Variants in DLG2 observed in about 807,000 individuals in gnomAD.
DLG2 encodes the protein discs large MAGUK scaffold protein 2, also known as disks large homolog 2.
Under a neutral mutation model 132.5 loss-of-function variants are expected in DLG2, and 45 were observed. That is an observed-to-expected ratio of 0.34 (90% CI 0.27 to 0.44). The LOEUF is 0.44. Among genes scored for constraint, DLG2 ranks in the 20% least tolerant of loss-of-function variants. The pLI, the probability that DLG2 is intolerant of heterozygous loss-of-function variation, is 1.00. For synonymous variants in DLG2, 424 were observed against 419.6 expected (o/e 1.01, Z -0.13); for missense variants, 1,045 against 1,196.9 (o/e 0.87, Z 1.87).
chr11:84,378,881 A>C (rs541127662), intron 7 of DLG2, among the ~76,000 whole-genome samples: 1 of 152,074 alleles, frequency 6.6e-6, no homozygotes, highest in African/African-American at 2.4e-5. Context: ...GGGAGACGGA[A>C]GTTGCAGTGA....
At chr11:85,525,257 G>C (rs1352812255) in intron 3 of DLG2, among the ~76,000 whole-genome samples, 1 of 152,120 alleles carries the variant, frequency 6.6e-6, no homozygotes, top group African/African-American at 2.4e-5. Flanking sequence ...TTGCAACTTA[G>C]GAGTAGAAGA....
rs186637781 is a variant in DLG2 at position 85,246,459 on chromosome 11, T to C, written c.186+38761A>G. 5.9e-4 allele frequency among the ~76,000 whole-genome samples: 89 copies of C among 151,942 alleles called. 1 individual carries two copies. In the Admixed American group the frequency reaches 5.9e-3, roughly 10 times the overall value. On this transcript the variant is annotated intron_variant, in intron 4 of 27. Transcript: ENST00000376104. Reference sequence around the variant, plus strand: ...AACTGAAGTAAAATAAAGCCCCATATGCTTAATGTGAATTCCCAAAATGTT... The same window carrying C: ...AACTGAAGTAAAATAAAGCCCCATACGCTTAATGTGAATTCCCAAAATGTT...
intron 10 of DLG2, among the ~76,000 whole-genome samples, chr11:84,068,830 T>C (rs1196664457): frequency 6.6e-6 from 1 of 152,212 alleles, no homozygotes; most frequent in Non-Finnish European, 1.5e-5. Context: ...GAAAAGTAGA[T>C]ATTGTCGCCT....
intron 6 of DLG2, among the ~76,000 whole-genome samples, chr11:84,888,098 T>C (rs1296347294): frequency 6.6e-6 from 1 of 152,138 alleles, no homozygotes; most frequent in Non-Finnish European, 1.5e-5. Flanking sequence ...TGCAAATTGA[T>C]AAACAAACAG....
intron 6 of DLG2, among the ~76,000 whole-genome samples, chr11:84,809,012 A>G (rs2076282714): frequency 6.6e-6 from 1 of 152,020 alleles, no homozygotes; most frequent in Non-Finnish European, 1.5e-5. Context: ...ACAGGTCAAT[A>G]TCCCTCATGA....
At chr11:84,039,814 GA>G (rs1742556570) in intron 11 of DLG2, among the ~76,000 whole-genome samples, 1 of 139,822 alleles carries the variant, frequency 7.2e-6, no homozygotes, top group African/African-American at 2.5e-5. Context: ...CACAGTGGTT[GA>G]ACTAGTTTAC....
chr11:84,161,423 T>C (rs957936039), intron 9 of DLG2, among the ~76,000 whole-genome samples: 3 of 152,094 alleles, frequency 2.0e-5, no homozygotes, highest in Admixed American at 6.6e-5. Flanking sequence ...CACAAAGATA[T>C]TGCTTGACAT....
intron 6 of DLG2, among the ~76,000 whole-genome samples, chr11:84,751,728 G>A (rs568284070): frequency 2.0e-5 from 3 of 152,260 alleles, no homozygotes; most frequent in East Asian, 3.9e-4. Flanking sequence ...AAGTAAATAA[G>A]TGCTTAATTA....
At chr11:83,567,000 C>T (rs2096720238) in intron 19 of DLG2, among the ~76,000 whole-genome samples, 1 of 152,094 alleles carries the variant, frequency 6.6e-6, no homozygotes, top group African/African-American at 2.4e-5. Context: ...AGCTATTTAT[C>T]CCATCTTGAC....
chr11:83,704,931 C>T (rs981411185), intron 18 of DLG2, among the ~76,000 whole-genome samples: 8 of 152,326 alleles, frequency 5.3e-5, no homozygotes, highest in Admixed American at 2.6e-4. Context: ...ATTACACTTA[C>T]TACCTGGGTG....
chr11:84,778,289 C>A lies in DLG2; in HGVS notation c.358-243558G>T, dbSNP rs541024821. Among the ~76,000 whole-genome samples the A allele has an allele frequency of 9.9e-5, 15 of 152,186 alleles. 2 individuals carry two copies. The highest frequency in any genetic ancestry group is 7.9e-4 in the Admixed American group (12 of 15,280). On this transcript the variant is annotated intron_variant, in intron 6 of 27. Transcript: ENST00000376104. ...AGTTATGTGGCTTCATTTCTGGATT[C>A]TCTATTCTGTTCTATTGATCCATGT... is the stretch of plus-strand genomic sequence containing the variant.
At chr11:84,498,109 G>C (rs1360424710) in intron 7 of DLG2, among the ~76,000 whole-genome samples, 3 of 152,194 alleles carry the variant, frequency 2.0e-5, no homozygotes, top group Non-Finnish European at 4.4e-5. Flanking sequence ...ATCTATCCAT[G>C]TAGTGTGTTT....
Position 84,409,096 on chromosome 11 carries a change from T to C in DLG2, c.519+125474A>G, listed in dbSNP as rs149035783. Among the ~76,000 whole-genome samples the C allele has an allele frequency of 7.0e-3, 1,067 of 152,344 alleles. 8 individuals are homozygous for C. The highest frequency in any genetic ancestry group is 0.024 in the African/African-American group (1,011 of 41,572). ...CTGCTCTTCCTTTCCTTGCACATTA[T>C]GTTCTAGCAATATTGAATTCCTTGC... On this transcript the variant is annotated intron_variant, in intron 7 of 27. Coordinates refer to ENST00000376104, the MANE Select transcript of DLG2 (RefSeq NM_001142699.3).
chr11:83,939,482 A>C (rs1183829005), intron 14 of DLG2, among the ~76,000 whole-genome samples: 1 of 152,256 alleles, frequency 6.6e-6, no homozygotes, highest in Non-Finnish European at 1.5e-5. Context: ...AAGAGAAAGG[A>C]AAGTGTGAGG....
At chr11:83,495,313 A>T (rs2094094728) in intron 21 of DLG2, among the ~76,000 whole-genome samples, 1 of 152,176 alleles carries the variant, frequency 6.6e-6, no homozygotes, top group Non-Finnish European at 1.5e-5. Flanking sequence ...TGAGACATCA[A>T]GCAGAGAATA....
chr11:84,248,319 A>AT (rs11355616), intron 8 of DLG2, among the ~76,000 whole-genome samples: 227 of 149,770 alleles, frequency 1.5e-3, no homozygotes, highest in African/African-American at 4.5e-3. Context: ...ATAAGTGTTT[A>AT]TTTTTTTTTT....
chr11:85,166,741 T>C (rs962868628), intron 4 of DLG2, among the ~76,000 whole-genome samples: 1 of 152,182 alleles, frequency 6.6e-6, no homozygotes, highest in Non-Finnish European at 1.5e-5. Flanking sequence ...TTTATTACCA[T>C]CTTGACATCC....
At chr11:84,163,690 A>C (rs2095598635) in intron 8 of DLG2, among the ~76,000 whole-genome samples, 179 bp from the exon 9 acceptor site, 1 of 152,154 alleles carries the variant, frequency 6.6e-6, no homozygotes, top group Non-Finnish European at 1.5e-5. Flanking sequence ...CTATTCTAAA[A>C]TATATGACTG....
At chr11:83,900,911 G>T (rs2073222540) in intron 15 of DLG2, among the ~76,000 whole-genome samples, 1 of 152,126 alleles carries the variant, frequency 6.6e-6, no homozygotes, top group South Asian at 2.1e-4. Flanking sequence ...GAAGACAGCT[G>T]GGAAGGAGGC....
Sources: gnomAD v4.1 joint callset for allele counts (sites outside exome capture counted in the v4.1 genomes callset) on GRCh38, gnomAD v4.1.1 for gene constraint, MANE v1.5 for transcripts, NCBI Gene and HGNC (gene_info 2026-07-23, HGNC 2026-07-21) for gene names.